Variants in JHY observed in about 807,000 individuals in gnomAD.
JHY encodes junctional cadherin complex regulator, also known as jhy protein homolog.
In JHY, 69 loss-of-function variants were observed where a neutral mutation model predicts 78.0. The ratio of observed to expected loss-of-function variants is 0.88; its 90% CI spans 0.73 to 1.08. The LOEUF (loss-of-function observed/expected upper bound fraction) is 1.08. JHY is among the 50% of genes least tolerant of loss of function. JHY has a pLI of 0.00. For synonymous variants in JHY, 368 were observed against 342.6 expected (o/e 1.07, Z -0.82); for missense variants, 944 against 927.8 (o/e 1.02, Z -0.23).
At chr11:122,893,740 G>T (rs1862675049) in intron 2 of JHY, among the ~76,000 whole-genome samples, 4 of 152,068 alleles carry the variant, frequency 2.6e-5, no homozygotes. Context: ...AAAAATAAAT[G>T]ATTTTCCCAA....
chr11:122,886,892 A>G (rs538207013), intron 2 of JHY, among the ~76,000 whole-genome samples: 11 of 152,288 alleles, frequency 7.2e-5, no homozygotes, highest in African/African-American at 2.2e-4. Flanking sequence ...GTAGAGGTCT[A>G]CCTCTCAGGG....
In JHY at chr11:122,900,511, C is replaced by CTTTTT. The variant is rs374998954; in HGVS notation, c.345-3395_345-3391dup. On this transcript the variant is annotated intron_variant, in intron 2 of 8. Transcript: ENST00000227349. ...GCCATTAAATATGCCATACTACCAGCTTTTTTTTTTTTTTTTTTTTTTTGG... is the reference window on the plus strand; with the variant it reads ...GCCATTAAATATGCCATACTACCAGCTTTTTTTTTTTTTTTTTTTTTTTTTTTTGG... 1.3e-3 allele frequency among the ~76,000 whole-genome samples: 82 copies of CTTTTT among 65,068 alleles called. 2 individuals are homozygous for CTTTTT. Among genetic ancestry groups the CTTTTT allele is most frequent in the African/African-American group, 3.0e-3 (51 of 16,730 alleles). The allele number at this position is 65,068 out of a possible 152,430, so 42.7% of individuals were successfully genotyped here.
Position 122,904,192 on chromosome 11 carries a change from C to G in JHY, c.612C>G (p.Ala204=). 6.2e-7 allele frequency: 1 copy of G among 1,614,146 alleles called. No individual in the cohort carries two copies. Among genetic ancestry groups the G allele is most frequent in the Non-Finnish European group, 8.5e-7 (1 of 1,180,038 alleles). ...TAAGCCCAAACTATGAGCATGGTGC[C>G]CGTCGCAGCAAGCCGTTTTCAGAGC... is the stretch of plus-strand genomic sequence containing the variant. The part of the protein sequence containing the change: ...EFLSPNYEHG[A]RRSKPFSELS... The change falls in exon 3 of 9, where the codon GCC becomes GCG. Residue 204 remains alanine (A), a synonymous_variant. Coordinates refer to ENST00000227349, the MANE Select transcript of JHY (RefSeq NM_024806.4).
At chr11:122,955,057 A>C (rs1864161345) in intron 6 of JHY, among the ~76,000 whole-genome samples, 1 of 152,178 alleles carries the variant, frequency 6.6e-6, no homozygotes, top group Admixed American at 6.5e-5. Context: ...AACAAACTGA[A>C]ATTTAAAAAG....
intron 5 of JHY, among the ~76,000 whole-genome samples, chr11:122,937,238 AT>A (rs1239258605): frequency 8.7e-6 from 1 of 114,526 alleles, no homozygotes; most frequent in Non-Finnish European, 1.7e-5. Flanking sequence ...CCCTCTTTTC[AT>A]TTCTTTTTTT....
chr11:122,944,368 C>G (rs1252673126), intron 5 of JHY, among the ~76,000 whole-genome samples: 1 of 152,106 alleles, frequency 6.6e-6, no homozygotes, highest in Non-Finnish European at 1.5e-5. Context: ...TTTCCTTCTA[C>G]TGATTTGCAA....
At position 122,911,521 on chromosome 11, in the gene JHY, A is replaced by G. The variant is rs565673837; in HGVS notation, c.864+7077A>G. 4.3e-4 allele frequency among the ~76,000 whole-genome samples: 65 copies of G among 152,354 alleles called. 1 individual carries two copies. Among genetic ancestry groups the G allele is most frequent in the Middle Eastern group, 3.4e-3 (1 of 294 alleles). ...GAGCACCTATCTTGAAGGAGTTTAC[A>G]TTCCAGTCATACGGCAAAGATAAGA... On this transcript the variant is annotated intron_variant, in intron 3 of 8. Transcript: ENST00000227349.
chr11:122,910,414 G>A (rs973951943), intron 3 of JHY, among the ~76,000 whole-genome samples: 1 of 151,866 alleles, frequency 6.6e-6, no homozygotes, highest in African/African-American at 2.4e-5. Context: ...GGGTTTCCGT[G>A]AGCCAAGATC....
At chr11:122,953,705 A>G (rs1003954780) in intron 6 of JHY, among the ~76,000 whole-genome samples, 7 of 152,192 alleles carry the variant, frequency 4.6e-5, no homozygotes, top group Non-Finnish European at 7.3e-5. Context: ...GGAAGCAGCT[A>G]TCATGGTTTT....
chr11:122,923,443 T>G (rs1054258274), intron 3 of JHY, among the ~76,000 whole-genome samples: 2 of 152,226 alleles, frequency 1.3e-5, no homozygotes, highest in African/African-American at 4.8e-5. Flanking sequence ...ATGGTGTGGA[T>G]GTACTGGAGA....
At chr11:122,945,560 A>G (rs1863946232) in intron 5 of JHY, among the ~76,000 whole-genome samples, 1 of 152,166 alleles carries the variant, frequency 6.6e-6, no homozygotes, top group Non-Finnish European at 1.5e-5. Context: ...TCTTACGGGC[A>G]AGGACTTTGG....
Position 122,883,016 on chromosome 11 carries a change from C to CAA in JHY, c.-90+44_-90+45insAA, listed in dbSNP as rs1862414349. On this transcript the variant is annotated intron_variant, in intron 1 of 8. Transcript: ENST00000227349. This position sits in a 1 kb window ranked among gnomAD's most constrained non-coding sequence, Gnocchi z 4.4. ...CCGGATCTGGGGTGGGCGGCGCGCC[C>CAA]GGGGAGGGAAACGGGAAGGGCTTAC... 1 of 152,792 alleles carries CAA rather than the reference C, an allele frequency of 6.5e-6. No homozygotes were observed. The highest frequency in any genetic ancestry group is 1.5e-5 in the Non-Finnish European group (1 of 68,046). 9.5% of individuals were successfully genotyped at this position (152,792 alleles called of 1,614,324 possible).
Position 122,904,143 on chromosome 11 carries a change from C to A in JHY, c.563C>A (p.Ala188Asp). ...GEQKESPQSA[A>D]SLLGSEFLSP... The stretch of plus-strand genomic sequence containing the variant: ...CAGAAAGAGAGTCCACAGAGTGCAG[C>A]TTCTTTACTTGGTAGTGAATTTTTA... Residue 188 changes from alanine to aspartate, a missense_variant, in exon 3 of 9, where the codon GCT becomes GAT. Physicochemically the swap from Ala to Asp is moderately radical, Grantham distance 126 (BLOSUM62 -2). Coordinates refer to ENST00000227349, the MANE Select transcript of JHY (RefSeq NM_024806.4). 7 of 1,614,170 alleles carry A rather than the reference C, an allele frequency of 4.3e-6. No individual in the cohort carries two copies. Among genetic ancestry groups the A allele is most frequent in the Non-Finnish European group, 5.9e-6 (7 of 1,180,036 alleles).
At chr11:122,913,412 C>T (rs116882613) in intron 3 of JHY, among the ~76,000 whole-genome samples, 196 of 152,208 alleles carry the variant, frequency 1.3e-3, no homozygotes, top group East Asian at 0.013. Context: ...CTTAATGTGA[C>T]GCCATGTTAC....
chr11:122,940,768 C>G (rs543996897), intron 5 of JHY, among the ~76,000 whole-genome samples: 2 of 152,140 alleles, frequency 1.3e-5, no homozygotes, highest in Non-Finnish European at 2.9e-5. Context: ...TCTATCAATA[C>G]CTATACATTT....
At chr11:122,912,837 A>G (rs910187150) in intron 3 of JHY, among the ~76,000 whole-genome samples, 6 of 152,056 alleles carry the variant, frequency 3.9e-5, no homozygotes, top group Non-Finnish European at 8.8e-5. Flanking sequence ...GAATATAAAT[A>G]TATATCATAT....
At chr11:122,891,351 A>G (rs1412047615) in intron 2 of JHY, among the ~76,000 whole-genome samples, 5 of 152,176 alleles carry the variant, frequency 3.3e-5, no homozygotes, top group African/African-American at 1.2e-4. Context: ...TTCAATGTAT[A>G]TGGATGAGAG....
intron 5 of JHY, among the ~76,000 whole-genome samples, chr11:122,945,731 C>T (rs1023871563): frequency 2.0e-5 from 3 of 152,140 alleles, no homozygotes; most frequent in South Asian, 4.1e-4. Flanking sequence ...GTTGGATTTC[C>T]GTGATTATGT....
At chr11:122,955,114 TTTG>T (rs150751220) in intron 6 of JHY, among the ~76,000 whole-genome samples, 12 of 151,772 alleles carry the variant, frequency 7.9e-5, no homozygotes, top group South Asian at 6.3e-4. Flanking sequence ...AACTTCAGGG[TTTG>T]TTGTTGTTGT....
Sources: allele counts gnomAD v4.1 joint callset (sites outside exome capture counted in the v4.1 genomes callset), GRCh38; gene constraint gnomAD v4.1.1; non-coding constraint Gnocchi (gnomAD v3.1); transcripts MANE v1.5; gene names NCBI Gene and HGNC (gene_info 2026-07-23, HGNC 2026-07-21).